Variants in WARS1 observed in about 807,000 individuals in gnomAD.
WARS1 encodes the protein tryptophan--tRNA ligase, cytoplasmic.
Under a neutral mutation model 47.8 loss-of-function variants are expected in WARS1, and 17 were observed. That is an observed-to-expected ratio of 0.36 (90% CI 0.24 to 0.53). WARS1 has a LOEUF of 0.53. WARS1 is among the 20% of genes least tolerant of loss of function. WARS1 has a pLI of 0.91. For synonymous variants in WARS1, 208 were observed against 228.1 expected, an observed-to-expected ratio of 0.91 and a Z score of 0.79; for missense variants, 434 against 608.0, an observed-to-expected ratio of 0.71 and a Z score of 3.01.
rs1041992062 is a variant in WARS1, at chr14:100,345,728, A to G, written c.826+1018T>C. Among the ~76,000 whole-genome samples the G allele has an allele frequency of 3.9e-4, 59 of 152,198 alleles. 1 individual carries two copies. Among genetic ancestry groups the G allele is most frequent in the Non-Finnish European group, 1.0e-4 (7 of 68,046 alleles). On this transcript the variant is annotated intron_variant, in intron 7 of 10. Transcript: ENST00000392882. ...TGTATTTTGATATTTAAAAGTGTTT[A>G]GTGTTTTGGATGTTGTTGCTGTTAT...
chr14:100,375,127 G>T (rs1896577547), intron 1 of WARS1, among the ~76,000 whole-genome samples, 156 bp downstream of exon 1: 1 of 152,186 alleles, frequency 6.6e-6, no homozygotes, highest in South Asian at 2.1e-4. Flanking sequence ...TTCCCTATGG[G>T]AGCAGTGAAT....
chr14:100,354,250 C>T (rs981879703), intron 5 of WARS1, 197 bp downstream of exon 5: 8 of 681,084 alleles, frequency 1.2e-5, no homozygotes, highest in South Asian at 7.0e-5. Flanking sequence ...TCCAAAGCTG[C>T]GCTCTCCCCA....
chr14:100,344,412 T>C (rs1291698414), intron 7 of WARS1, among the ~76,000 whole-genome samples: 3 of 152,146 alleles, frequency 2.0e-5, no homozygotes, highest in Non-Finnish European at 4.4e-5. Flanking sequence ...TGGAGTGCAG[T>C]GGTGTGATCT....
intron 5 of WARS1, 30 bp from the exon 6 acceptor site, chr14:100,353,899 G>A (rs375160962): frequency 1.2e-4 from 197 of 1,602,226 alleles, no homozygotes; most frequent in Non-Finnish European, 1.5e-4. Flanking sequence ...GAAAGCTGAC[G>A]TCTCATCTCC....
intron 2 of WARS1, among the ~76,000 whole-genome samples, chr14:100,362,542 A>C (rs1457957887): frequency 6.6e-6 from 1 of 152,154 alleles, no homozygotes; most frequent in Non-Finnish European, 1.5e-5. Flanking sequence ...TGAAAAAAAA[A>C]AAACAAAGGT....
At chr14:100,341,763 G>A (rs1441236136) in intron 9 of WARS1, among the ~76,000 whole-genome samples, 14 of 152,194 alleles carry the variant, frequency 9.2e-5, no homozygotes, top group South Asian at 4.1e-4. Flanking sequence ...GGACTGTCCC[G>A]TGGATGGACG....
At chr14:100,368,491 G>A in intron 2 of WARS1, 1 of 455,958 alleles carries the variant, frequency 2.2e-6, no homozygotes, top group Non-Finnish European at 4.4e-6. Context: ...GGAACAATAT[G>A]ATAAGCAGAA....
chr14:100,362,877 C>G (rs529726888), intron 2 of WARS1, among the ~76,000 whole-genome samples: 3 of 152,216 alleles, frequency 2.0e-5, no homozygotes, highest in Non-Finnish European at 4.4e-5. Context: ...TCAGAGATAA[C>G]TATTCCATCA....
rs776592097 is a variant in WARS1, at chr14:100,342,390, C to T, written c.1113+8G>A. ...CGCTGGCTGCCCTCTGCCTGGGCCA[C>T]TGCTCACCTTGGTTTTGATCTGCTT... On this transcript the variant is annotated splice_region_variant and intron_variant, in intron 9 of 10. Transcript: ENST00000392882. 5.0e-5 allele frequency: 81 copies of T among 1,613,378 alleles called. No individual in the cohort carries two copies. The Middle Eastern group carries it at 2.6e-3, about 52-fold the overall frequency.
chr14:100,342,323 G>GGT (rs754039708), intron 9 of WARS1, 75 bp downstream of exon 9: 8 of 1,583,198 alleles, frequency 5.1e-6, no homozygotes, highest in Admixed American at 1.7e-5. Flanking sequence ...ACTGCGCAGT[G>GGT]GTGTGTGTGT....
intron 5 of WARS1, 61 bp from the exon 6 acceptor site, chr14:100,353,930 T>G (rs561193430): frequency 6.7e-7 from 1 of 1,502,154 alleles, no homozygotes; most frequent in African/African-American, 1.4e-5. Context: ...AACGCCATCG[T>G]GCATCTGAAA....
Position 100,354,547 on chromosome 14 carries a change from C to G in WARS1, c.442G>C (p.Asp148His), listed in dbSNP as rs1339236889. ...AATGGCTTCTTATTTTCATAGGCAT[C>G]AAGAACCTGATTCATATCTCTAAAG... ...FSHRDMNQVL[D>H]AYENKKPFYL... The change falls in exon 5 of 11, where the codon GAT becomes CAT. Residue 148 changes from aspartate (D) to histidine (H), a missense_variant. Physicochemically the swap from Asp to His is moderately conservative, Grantham distance 81. Coordinates refer to ENST00000392882, the MANE Select transcript of WARS1 (RefSeq NM_004184.4). The G allele has an allele frequency of 6.2e-7, 1 of 1,612,652 alleles. No homozygotes were observed. Among genetic ancestry groups the G allele is most frequent in the Non-Finnish European group, 8.5e-7 (1 of 1,179,558 alleles).
intron 4 of WARS1, among the ~76,000 whole-genome samples, chr14:100,359,315 C>CAATGGAATATTATTTGGCAATA (rs1207113172): frequency 6.6e-6 from 1 of 152,096 alleles, no homozygotes; most frequent in East Asian, 1.9e-4. Flanking sequence ...TATATCCATT[C>CAATGGAATATTATTTGGCAATA]AATGGAATAT....
At chr14:100,366,991 C>A in intron 2 of WARS1, 1 of 1,237,094 alleles carries the variant, frequency 8.1e-7, no homozygotes, top group Non-Finnish European at 1.2e-6. Flanking sequence ...CTGTAGCCTA[C>A]TCGTCTGGTT....
chr14:100,334,748 T>A lies in WARS1; in HGVS notation c.*127A>T, dbSNP rs1306793363. Reference sequence around the variant, plus strand: ...AACAGTATTGATAACATACACAGGCTTACAGAGGCCAGGCCCAGTAATTAC... The same window carrying A: ...AACAGTATTGATAACATACACAGGCATACAGAGGCCAGGCCCAGTAATTAC... On this transcript the variant is annotated 3_prime_UTR_variant, in exon 11 of 11. Transcript: ENST00000392882. 5 of 1,100,326 alleles carry A rather than the reference T, an allele frequency of 4.5e-6. No homozygotes were observed. Among genetic ancestry groups the A allele is most frequent in the East Asian group, 4.8e-5 (2 of 41,658 alleles). 68.2% of individuals were successfully genotyped at this position (1,100,326 alleles called of 1,614,324 possible). A position where few individuals can be genotyped will look rare whatever the true frequency, so the allele number is the denominator to read the frequency against.
chr14:100,371,409 C>T (rs1480909612), intron 1 of WARS1, among the ~76,000 whole-genome samples: 1 of 141,034 alleles, frequency 7.1e-6, no homozygotes, highest in Admixed American at 7.5e-5. Flanking sequence ...GAGATCACAC[C>T]ACTGCACCCC....
intron 6 of WARS1, among the ~76,000 whole-genome samples, chr14:100,353,304 G>A (rs1372750079): frequency 6.6e-6 from 1 of 152,054 alleles, no homozygotes; most frequent in Non-Finnish European, 1.5e-5. Flanking sequence ...AGGCTGGAGT[G>A]CAATGGCGTG....
At chr14:100,367,996 C>T (rs1896111005) in intron 2 of WARS1, among the ~76,000 whole-genome samples, 1 of 152,034 alleles carries the variant, frequency 6.6e-6, no homozygotes, top group African/African-American at 2.4e-5. Flanking sequence ...ACGGGGCACC[C>T]AATCGACAGG....
intron 1 of WARS1, chr14:100,374,720 C>T (rs1186378200): frequency 6.6e-6 from 1 of 152,190 alleles, no homozygotes; most frequent in Non-Finnish European, 1.5e-5. Context: ...TGGAATACCA[C>T]CAGGAGGTAG....
Sources: allele counts gnomAD v4.1 joint callset (sites outside exome capture counted in the v4.1 genomes callset), GRCh38; gene constraint gnomAD v4.1.1; transcripts MANE v1.5; gene names NCBI Gene and HGNC (gene_info 2026-07-23, HGNC 2026-07-21).